The following THSD7A variants were observed in gnomAD, a reference collection of about 807,000 sequenced individuals.
THSD7A encodes the protein thrombospondin type 1 domain containing 7A, also known as thrombospondin type-1 domain-containing protein 7A.
Under a neutral mutation model 231.3 loss-of-function variants are expected in THSD7A, and 96 were observed. That is an observed-to-expected ratio of 0.41 (90% CI 0.35 to 0.49). The LOEUF (loss-of-function observed/expected upper bound fraction) is 0.49. Ranked by LOEUF, THSD7A falls within the 20% of genes least tolerant of loss-of-function variation. The pLI is 0.05. For missense variants in THSD7A, 2,290 were observed against 2,070.2 expected (o/e 1.11, Z -2.06); for synonymous variants, 940 against 743.3 (o/e 1.26, Z -4.30).
rs911995539 is a variant in THSD7A at position 11,401,680 on chromosome 7, G to C, written c.4411+115C>G. The C allele has an allele frequency of 6.4e-6, 6 of 942,832 alleles. No individual in the cohort carries two copies. In the Admixed American group the frequency reaches 2.1e-4, roughly 32 times the overall value. The allele number at this position is 942,832 out of a possible 1,614,324, so 58.4% of individuals were successfully genotyped here. ...GCCCACCTAGGCCTCCCAAAGCGTT[G>C]GGATTACAGGCGTGAGCCACCGCAC... On this transcript the variant is annotated intron_variant, in intron 23 of 27. Coordinates refer to ENST00000423059, the MANE Select transcript of THSD7A (RefSeq NM_015204.3).
chr7:11,782,117 T>C (rs533732333), intron 1 of THSD7A, among the ~76,000 whole-genome samples: 1 of 152,292 alleles, frequency 6.6e-6, no homozygotes, highest in African/African-American at 2.4e-5. Flanking sequence ...AGTTGTAATG[T>C]AATTTTTTTA....
intron 1 of THSD7A, chr7:11,821,095 T>G: frequency 9.7e-7 from 1 of 1,026,654 alleles, no homozygotes. Flanking sequence ...TCTATTGTCC[T>G]GTAACTTGTT....
At chr7:11,506,188 T>C (rs1039803069) in intron 6 of THSD7A, among the ~76,000 whole-genome samples, 7 of 152,152 alleles carry the variant, frequency 4.6e-5, no homozygotes, top group African/African-American at 1.7e-4. Context: ...AGATGGGGTT[T>C]CGCTGTGTTA....
intron 23 of THSD7A, among the ~76,000 whole-genome samples, chr7:11,396,678 C>T (rs1301794607): frequency 6.6e-6 from 1 of 152,182 alleles, no homozygotes; most frequent in Non-Finnish European, 1.5e-5. Flanking sequence ...CAGACAGATC[C>T]ACAGCCACAT....
intron 1 of THSD7A, among the ~76,000 whole-genome samples, chr7:11,776,066 C>T (rs1783395429): frequency 6.6e-6 from 1 of 152,126 alleles, no homozygotes; most frequent in African/African-American, 2.4e-5. Context: ...CCTTTGTGGA[C>T]CTCTTCTGAT....
chr7:11,817,998 C>T (rs531448188), intron 1 of THSD7A, among the ~76,000 whole-genome samples: 45 of 152,262 alleles, frequency 3.0e-4, no homozygotes, highest in African/African-American at 9.4e-4. Flanking sequence ...CTGGAAATCC[C>T]TGAATACAGT....
At chr7:11,486,601 T>A (rs1786669906) in intron 6 of THSD7A, among the ~76,000 whole-genome samples, 1 of 33,596 alleles carries the variant, frequency 3.0e-5, no homozygotes, top group Non-Finnish European at 5.4e-5. Flanking sequence ...CAACGCAACT[T>A]GTTTTTCTTC....
chr7:11,698,789 G>A (rs1780479804), intron 1 of THSD7A, among the ~76,000 whole-genome samples: 1 of 151,370 alleles, frequency 6.6e-6, no homozygotes, highest in African/African-American at 2.4e-5. Flanking sequence ...AAATGGTAAT[G>A]TGAAAGGAGA....
At chr7:11,803,446 C>A (rs893859460) in intron 1 of THSD7A, among the ~76,000 whole-genome samples, 1 of 151,906 alleles carries the variant, frequency 6.6e-6, no homozygotes, top group South Asian at 2.1e-4. Context: ...AGAAATGAAG[C>A]TAAAAGACTC....
intron 4 of THSD7A, among the ~76,000 whole-genome samples, chr7:11,577,689 G>A (rs1584014126): frequency 6.6e-6 from 1 of 151,352 alleles, no homozygotes. Context: ...GTTTTCCCAG[G>A]CATAAAGCTC....
chr7:11,607,212 C>T (rs796848516), intron 2 of THSD7A, among the ~76,000 whole-genome samples: 8 of 152,042 alleles, frequency 5.3e-5, no homozygotes, highest in African/African-American at 9.6e-5. Flanking sequence ...ATATGTTTTC[C>T]GACAAATCTA....
chr7:11,652,933 A>G (rs1782561311), intron 1 of THSD7A, among the ~76,000 whole-genome samples: 1 of 152,006 alleles, frequency 6.6e-6, no homozygotes, highest in African/African-American at 2.4e-5. Context: ...GTAGGTGATC[A>G]GTTAACAATC....
intron 6 of THSD7A, among the ~76,000 whole-genome samples, chr7:11,492,084 G>A (rs146718025): frequency 7.0e-4 from 106 of 151,996 alleles, no homozygotes; most frequent in South Asian, 2.1e-4. Context: ...ATGCATTCAC[G>A]TCTGTTGTGT....
At chr7:11,415,139 T>C (rs958474859) in intron 17 of THSD7A, among the ~76,000 whole-genome samples, 4 of 152,234 alleles carry the variant, frequency 2.6e-5, no homozygotes, top group East Asian at 1.9e-4. Flanking sequence ...ATGTGGCCAA[T>C]TGTTCAAATC....
intron 4 of THSD7A, among the ~76,000 whole-genome samples, chr7:11,549,837 G>A (rs1789550347): frequency 6.6e-6 from 1 of 152,024 alleles, no homozygotes; most frequent in African/African-American, 2.4e-5. Flanking sequence ...CCTAGGTGAT[G>A]GGTTGACAGG....
At chr7:11,674,009 G>C (rs926302149) in intron 1 of THSD7A, among the ~76,000 whole-genome samples, 4 of 151,856 alleles carry the variant, frequency 2.6e-5, no homozygotes, top group South Asian at 2.1e-4. Context: ...TGAATCACCA[G>C]ACCACCTGCA....
chr7:11,744,423 T>A (rs1030068750), intron 1 of THSD7A, among the ~76,000 whole-genome samples: 46 of 151,314 alleles, frequency 3.0e-4, no homozygotes, highest in African/African-American at 1.0e-3. Flanking sequence ...CAGGTTTTTT[T>A]ATTATTTTTT....
chr7:11,407,532 G>C (rs6975407), intron 19 of THSD7A, 109 bp from the exon 20 acceptor site: 290,405 of 757,850 alleles, frequency 0.38, 58,582 homozygotes, highest in African/African-American at 0.59. Flanking sequence ...AGCCACATAA[G>C]AGAATAAAAT....
chr7:11,813,315 A>G (rs1012934588), intron 1 of THSD7A, among the ~76,000 whole-genome samples: 1 of 152,178 alleles, frequency 6.6e-6, no homozygotes, highest in East Asian at 1.9e-4. Context: ...ACACTTTCCT[A>G]TATTTTTAAT....
Sources: allele counts gnomAD v4.1 joint callset (sites outside exome capture counted in the v4.1 genomes callset), GRCh38; gene constraint gnomAD v4.1.1; transcripts MANE v1.5; gene names NCBI Gene and HGNC (gene_info 2026-07-23, HGNC 2026-07-21).